MTARC2: variants seen among roughly 807,000 people sequenced by gnomAD.
MTARC2 encodes the protein MOCO sulphurase C-terminal domain containing 2.
A neutral mutation model predicts 35.6 loss-of-function variants in MTARC2; 27 were observed. The observed-to-expected ratio is 0.76, with a 90% CI of 0.56 to 1.04. The LOEUF is 1.04. Ranked by LOEUF, MTARC2 falls within the 50% of genes least tolerant of loss-of-function variation. The pLI is 0.00. For missense variants in MTARC2, 412 were observed against 432.5 expected, an observed-to-expected ratio of 0.95 and a Z score of 0.42; for synonymous variants, 158 against 167.1, an observed-to-expected ratio of 0.95 and a Z score of 0.42.
intron 1 of MTARC2, among the ~76,000 whole-genome samples, chr1:220,751,925 G>C (rs1164123361): frequency 6.6e-6 from 1 of 152,226 alleles, no homozygotes; most frequent in Non-Finnish European, 1.5e-5. Flanking sequence ...GTGCACAAGA[G>C]GTGAAAAATA....
At chr1:220,770,517 C>T in intron 4 of MTARC2, 1 of 985,414 alleles carries the variant, frequency 1.0e-6, no homozygotes, top group Non-Finnish European at 1.2e-6. Context: ...GAGACAAGCC[C>T]TTCAAATACA....
chr1:220,783,259 TTGG>T (rs1367963546), intron 7 of MTARC2, among the ~76,000 whole-genome samples: 1 of 152,210 alleles, frequency 6.6e-6, no homozygotes, highest in East Asian at 1.9e-4. Context: ...CATCTTACAA[TTGG>T]TATATCTTGG....
chr1:220,774,685 T>G (rs754675868), intron 4 of MTARC2, among the ~76,000 whole-genome samples: 3,586 of 152,192 alleles, frequency 0.024, 110 homozygotes, highest in African/African-American at 0.064. Context: ...TCTGTGGTCT[T>G]ACAAGTGATG....
chr1:220,760,732 A>G (rs1671415044), intron 2 of MTARC2, among the ~76,000 whole-genome samples: 1 of 152,222 alleles, frequency 6.6e-6, no homozygotes, highest in African/African-American at 2.4e-5. Context: ...CTTAAGAAAC[A>G]AAACAAATTT....
chr1:220,762,951 T>C lies in MTARC2; in HGVS notation c.651T>C (p.Asp217=). 6.2e-7 allele frequency: 1 copy of C among 1,614,172 alleles called. No homozygotes were observed. The highest frequency in any genetic ancestry group is 8.5e-7 in the Non-Finnish European group (1 of 1,180,036). The change falls in exon 4 of 8, where the codon GAT becomes GAC. Residue 217 remains aspartate, a synonymous_variant. Transcript: ENST00000366913. The part of the protein sequence containing the change: ...PDYCPLLIMT[D]ASLVDLNTRM... ...ACTGCCCGCTCCTGATCATGACAGA[T>C]GCCTCCCTGGTAGATTTGAATACCA...
At chr1:220,752,402 G>A (rs1341682268) in intron 1 of MTARC2, among the ~76,000 whole-genome samples, 1 of 152,182 alleles carries the variant, frequency 6.6e-6, no homozygotes, top group Non-Finnish European at 1.5e-5. Flanking sequence ...GGACAAGGCT[G>A]GAAATAGGGA....
At chr1:220,756,909 A>G (rs1237577219) in intron 2 of MTARC2, among the ~76,000 whole-genome samples, 5 of 152,054 alleles carry the variant, frequency 3.3e-5, no homozygotes, top group African/African-American at 1.2e-4. Flanking sequence ...TTTTTTATTT[A>G]TTTATTTTTT....
chr1:220,755,537 G>T (rs960878494), intron 2 of MTARC2, among the ~76,000 whole-genome samples: 45 of 152,258 alleles, frequency 3.0e-4, no homozygotes, highest in African/African-American at 1.1e-3. Flanking sequence ...CAAGGCAGGG[G>T]CGGCAGGCTT....
intron 1 of MTARC2, among the ~76,000 whole-genome samples, chr1:220,749,396 C>T (rs996188320): frequency 6.0e-5 from 9 of 149,862 alleles, no homozygotes; most frequent in Non-Finnish European, 8.9e-5. Flanking sequence ...GACACATAGA[C>T]ATTTCATACT....
At chr1:220,761,145 C>T (rs916365859) in intron 2 of MTARC2, among the ~76,000 whole-genome samples, 4 of 152,170 alleles carry the variant, frequency 2.6e-5, no homozygotes, top group South Asian at 2.1e-4. Context: ...CACCAAGTGA[C>T]GTAGGTAGGT....
intron 2 of MTARC2, among the ~76,000 whole-genome samples, chr1:220,756,910 T>C (rs1365585208): frequency 1.3e-5 from 2 of 152,246 alleles, no homozygotes; most frequent in Non-Finnish European, 2.9e-5. Flanking sequence ...TTTTTATTTA[T>C]TTATTTTTTG....
At chr1:220,748,926 A>G in intron 1 of MTARC2, 123 bp downstream of exon 1, 1 of 1,265,552 alleles carries the variant, frequency 7.9e-7, no homozygotes, top group Non-Finnish European at 1.0e-6. Context: ...TTCTGGGCTG[A>G]CTGTTGGGCC....
rs1672164985 is a variant in MTARC2, at chr1:220,784,642, A to ACAGC, written c.*756_*759dup. On this transcript the variant is annotated 3_prime_UTR_variant, in exon 8 of 8. Transcript: ENST00000366913. ...TTTTGAGAGTAGGAATGCAAGGAAG[A>ACAGC]CAGCATGAACATATTTTTTTCAGTG... The ACAGC allele has an allele frequency of 6.6e-6, 1 of 152,270 alleles. No homozygotes were observed. The highest frequency in any genetic ancestry group is 2.1e-4 in the South Asian group (1 of 4,834). 9.4% of individuals were successfully genotyped at this position (152,270 alleles called of 1,614,324 possible).
At chr1:220,780,698 C>T (rs1309792247) in intron 6 of MTARC2, among the ~76,000 whole-genome samples, 1 of 152,086 alleles carries the variant, frequency 6.6e-6, no homozygotes, top group East Asian at 1.9e-4. Context: ...GATTCGCCTG[C>T]CTCCCAACAT....
In MTARC2 at chr1:220,780,259, AGTG is replaced by A; in HGVS notation, c.884+21_884+23del. 1 of 1,600,354 alleles carries A rather than the reference AGTG, an allele frequency of 6.2e-7. No individual in the cohort carries two copies. The highest frequency in any genetic ancestry group is 8.5e-7 in the Non-Finnish European group (1 of 1,174,156). On this transcript the variant is annotated intron_variant, in intron 6 of 7. Transcript: ENST00000366913. The stretch of plus-strand genomic sequence containing the variant: ...GAAGAGGTAGAATACCACCACAGCC[AGTG>A]TATTTTAAATATTATCTCCACCCCA...
intron 2 of MTARC2, chr1:220,756,272 G>A (rs1290588178): frequency 6.6e-6 from 1 of 152,220 alleles, no homozygotes; most frequent in African/African-American, 2.4e-5. Context: ...GGAAGTTGGT[G>A]TTGTCCCAGG....
chr1:220,777,971 G>A (rs192679657), intron 4 of MTARC2, among the ~76,000 whole-genome samples: 209 of 152,304 alleles, frequency 1.4e-3, no homozygotes, highest in African/African-American at 4.9e-3. Context: ...GCTGGGTGCG[G>A]TGGCTTACAC....
chr1:220,762,820 G>C, intron 3 of MTARC2, 90 bp from the exon 4 acceptor site: 2 of 1,405,126 alleles, frequency 1.4e-6, no homozygotes, highest in African/African-American at 1.4e-5. Context: ...GCACTGAAGA[G>C]GTTTTGCTTC....
rs766777671 is a variant in MTARC2, at chr1:220,780,022, C to T, written c.755C>T (p.Thr252Ile). Residue 252 changes from threonine (T) to isoleucine (I), a missense_variant, in exon 5 of 8, where the codon ACC (threonine) becomes ATC (isoleucine). By Grantham distance (89) the Thr-to-Ile change is moderately conservative. Transcript: ENST00000366913. Reference protein sequence around the residue: ...VTGCDAFEEDTWDELLIGSVE... With the variant: ...VTGCDAFEEDIWDELLIGSVE... ...TAACTTTCTCTTTTCTCTTAGGATA[C>T]CTGGGATGAACTCCTAATTGGTAGT... The T allele has an allele frequency of 6.5e-7, 1 of 1,532,170 alleles. No homozygotes were observed. Among genetic ancestry groups the T allele is most frequent in the Non-Finnish European group, 8.7e-7 (1 of 1,150,698 alleles). 94.9% of individuals were successfully genotyped at this position (1,532,170 alleles called of 1,614,324 possible).
Sources: allele counts gnomAD v4.1 joint callset (sites outside exome capture counted in the v4.1 genomes callset), GRCh38; gene constraint gnomAD v4.1.1; transcripts MANE v1.5; gene names NCBI Gene and HGNC (gene_info 2026-07-23, HGNC 2026-07-21).